RB1: variants seen among roughly 807,000 people sequenced by gnomAD.
RB1 encodes RB transcriptional corepressor 1.
In RB1, 18 loss-of-function variants were observed where a neutral mutation model predicts 135.4. The ratio of observed to expected loss-of-function variants is 0.13; its 90% CI spans 0.09 to 0.20. The LOEUF (loss-of-function observed/expected upper bound fraction) is 0.20, where lower values mean the gene tolerates loss of function less well. RB1 is among the 10% of genes least tolerant of loss of function. RB1 has a pLI of 1.00. For missense variants in RB1, 868 were observed against 1,110.0 expected (o/e 0.78, Z 3.10); for synonymous variants, 365 against 373.2 (o/e 0.98, Z 0.25).
chr13:48,369,204 T>C (rs1217362376), intron 11 of RB1, among the ~76,000 whole-genome samples: 1 of 152,198 alleles, frequency 6.6e-6, no homozygotes, highest in African/African-American at 2.4e-5. Flanking sequence ...ATTAGAACTA[T>C]TTTTTATGTC....
At chr13:48,317,301 C>T (rs920709937) in intron 2 of RB1, 8 of 395,942 alleles carry the variant, frequency 2.0e-5, no homozygotes, top group Non-Finnish European at 3.6e-5. Flanking sequence ...TGGGCAGGCC[C>T]CAGGCGGGGC....
rs563104113 is a variant in RB1 at position 48,442,383 on chromosome 13, G to A, written c.1696-10610G>A. ...GCCCGGCTAATTTTTTGTATTTTTT[G>A]TAGAGATGGGGTTTCACCGTGTTAG... On this transcript the variant is annotated intron_variant, in intron 17 of 26. Coordinates refer to ENST00000267163, the MANE Select transcript of RB1 (RefSeq NM_000321.3). Among the ~76,000 whole-genome samples, 91 of 152,052 alleles carry A rather than the reference G, an allele frequency of 6.0e-4. No individual in the cohort carries two copies. In the Middle Eastern group the frequency reaches 0.014, roughly 23 times the overall value.
intron 17 of RB1, among the ~76,000 whole-genome samples, chr13:48,394,275 C>G (rs1398045868): frequency 6.6e-6 from 1 of 152,192 alleles, no homozygotes; most frequent in Non-Finnish European, 1.5e-5. Flanking sequence ...GAGATTCCCT[C>G]GGGTGCCTAC....
At chr13:48,306,581 T>A (rs59550884) in intron 1 of RB1, among the ~76,000 whole-genome samples, 7,833 of 152,240 alleles carry the variant, frequency 0.051, 630 homozygotes, top group African/African-American at 0.17. Flanking sequence ...CAGACATCTG[T>A]AAATGTCTAC....
chr13:48,414,217 C>T (rs1233798198), intron 17 of RB1, among the ~76,000 whole-genome samples: 6 of 151,804 alleles, frequency 4.0e-5, no homozygotes, highest in Admixed American at 1.3e-4. Context: ...GGCAATAGTG[C>T]GTGCCTGTAG....
At chr13:48,338,785 G>GT in intron 2 of RB1, among the ~76,000 whole-genome samples, 1 of 152,308 alleles carries the variant, frequency 6.6e-6, no homozygotes, top group African/African-American at 2.4e-5. Flanking sequence ...CTTTTCTGCT[G>GT]TTTTTTCCCC....
At chr13:48,367,743 A>T (rs1952718279) in intron 10 of RB1, 140 bp downstream of exon 10, 1 of 969,446 alleles carries the variant, frequency 1.0e-6, no homozygotes, top group Admixed American at 3.0e-5. Flanking sequence ...TACAAAGAAA[A>T]GTTTAACAGT....
In RB1 at chr13:48,318,226, T is replaced by TG. The variant is rs995961573; in HGVS notation, c.264+10822dup. The TG allele has an allele frequency of 9.2e-6, 6 of 651,478 alleles. No homozygotes were observed. The African/African-American group carries it at 9.2e-5, about 10-fold the overall frequency. The allele number at this position is 651,478 out of a possible 1,614,324, so 40.4% of individuals were successfully genotyped here. A position where few individuals can be genotyped will look rare whatever the true frequency, so the allele number is the denominator to read the frequency against. ...CCCTCGCCGCTGTCTCTCTTGGACTTGGAGAGTCAGCTATTAAGCACCGGC... is the reference window on the plus strand; with the variant it reads ...CCCTCGCCGCTGTCTCTCTTGGACTTGGGAGAGTCAGCTATTAAGCACCGGC... On this transcript the variant is annotated intron_variant, in intron 2 of 26. Transcript: ENST00000267163.
chr13:48,366,409 A>T (rs1333965749), intron 9 of RB1, among the ~76,000 whole-genome samples: 1 of 152,214 alleles, frequency 6.6e-6, no homozygotes, highest in East Asian at 1.9e-4. Flanking sequence ...GTTCTATCTA[A>T]TACATTTATG....
chr13:48,358,400 T>C (rs969152425), intron 6 of RB1, among the ~76,000 whole-genome samples: 1 of 152,134 alleles, frequency 6.6e-6, no homozygotes, highest in African/African-American at 2.4e-5. Context: ...CTGCACTTAA[T>C]CTGTGACTTG....
intron 17 of RB1, among the ~76,000 whole-genome samples, chr13:48,400,393 A>G (rs1009563466): frequency 6.6e-6 from 1 of 152,138 alleles, no homozygotes; most frequent in Non-Finnish European, 1.5e-5. Context: ...AACTCAGGCT[A>G]TCTGGTTCCA....
rs2138354806 is a variant in RB1, at chr13:48,473,415, A to G, written c.2520+25A>G. 6 of 1,520,924 alleles carry G rather than the reference A, an allele frequency of 3.9e-6. No individual in the cohort carries two copies. The Middle Eastern group carries it at 1.2e-3, about 305-fold the overall frequency. 94.2% of individuals were successfully genotyped at this position (1,520,924 alleles called of 1,614,324 possible). On this transcript the variant is annotated intron_variant, in intron 24 of 26. Coordinates refer to ENST00000267163, the MANE Select transcript of RB1 (RefSeq NM_000321.3). ...GGTGAGTATTTTCTTTCTATGAAAT[A>G]TAATAGTATGCATTGTAAGTATAAA...
intron 21 of RB1, 110 bp from the exon 22 acceptor site, chr13:48,464,888 G>A (rs1346639862): frequency 1.3e-5 from 16 of 1,230,824 alleles, no homozygotes; most frequent in African/African-American, 3.2e-5. Context: ...CAGTCAAAAA[G>A]TATTATAAAC....
rs1952831579 is a variant in RB1 at position 48,376,955 on chromosome 13, G to A, written c.1253G>A (p.Arg418Lys). The A allele has an allele frequency of 1.2e-6, 2 of 1,613,814 alleles. No individual in the cohort carries two copies. Among genetic ancestry groups the A allele is most frequent in the Non-Finnish European group, 1.7e-6 (2 of 1,179,872 alleles). The change falls in exon 13 of 27, where the codon AGA becomes AAA. Residue 418 changes from arginine (R) to lysine (K), a missense_variant. By Grantham distance (26) the Arg-to-Lys change is conservative. Coordinates refer to ENST00000267163, the MANE Select transcript of RB1 (RefSeq NM_000321.3). Reference sequence around the variant, plus strand: ...AATCCAAAAGAAAGTATACTGAAAAGAGTGAAGGATATAGGATACATCTTT... The same window carrying A: ...AATCCAAAAGAAAGTATACTGAAAAAAGTGAAGGATATAGGATACATCTTT... ...TVNPKESILK[R>K]VKDIGYIFKE...
rs1593550511 is a variant in RB1 at position 48,480,953 on chromosome 13, T to G, written c.*882T>G. 4.4e-6 allele frequency: 1 copy of G among 228,964 alleles called. No homozygotes were observed. The highest frequency in any genetic ancestry group is 8.7e-6 in the Non-Finnish European group (1 of 115,176). 14.2% of individuals were successfully genotyped at this position (228,964 alleles called of 1,614,324 possible). On this transcript the variant is annotated 3_prime_UTR_variant, in exon 27 of 27. Coordinates refer to ENST00000267163, the MANE Select transcript of RB1 (RefSeq NM_000321.3). ...GGACCCTAACACAGTATATCCCAAG[T>G]GCACTTTCTAATGTTTCTGGGTCCT...
At chr13:48,454,029 C>A (rs1949345295) in intron 18 of RB1, among the ~76,000 whole-genome samples, 1 of 152,200 alleles carries the variant, frequency 6.6e-6, no homozygotes, top group Admixed American at 6.5e-5. Context: ...CAAAAGCAAT[C>A]ACTAACTGTG....
chr13:48,356,502 TAA>T (rs1952593022), intron 6 of RB1, among the ~76,000 whole-genome samples: 1 of 152,140 alleles, frequency 6.6e-6, no homozygotes, highest in African/African-American at 2.4e-5. Context: ...AATCTTTATT[TAA>T]GTTTGTGTTT....
In RB1 at chr13:48,356,448, T is replaced by C. The variant is rs77089731; in HGVS notation, c.608-3569T>C. On this transcript the variant is annotated intron_variant, in intron 6 of 26. Transcript: ENST00000267163. ...TTAAGTGATATTATTTCTAAAATTA[T>C]TTCTCTAAGATTATGAAAAAATGTG... Among the ~76,000 whole-genome samples, 4,606 of 152,110 alleles carry C rather than the reference T, an allele frequency of 0.03. 247 individuals are homozygous for C. The highest frequency in any genetic ancestry group is 0.11 in the African/African-American group (4,394 of 41,514).
At position 48,319,712 on chromosome 13, in the gene RB1, C is replaced by A; in HGVS notation, c.264+12306C>A. 6 of 254,314 alleles carry A rather than the reference C, an allele frequency of 2.4e-5. No individual in the cohort carries two copies. In the South Asian group the frequency reaches 3.6e-4, roughly 15 times the overall value. The allele number at this position is 254,314 out of a possible 1,614,324, so 15.8% of individuals were successfully genotyped here. A position where few individuals can be genotyped will look rare whatever the true frequency, so the allele number is the denominator to read the frequency against. On this transcript the variant is annotated intron_variant, in intron 2 of 26. Coordinates refer to ENST00000267163, the MANE Select transcript of RB1 (RefSeq NM_000321.3). This position sits in a 1 kb window ranked among gnomAD's most constrained non-coding sequence, Gnocchi z 5.0. ...CGTGGGATTTCAAGAGTGACTTGGT[C>A]GAATTTTCGTTTGGGTCTGGTTTTT...
Sources: gnomAD v4.1 joint callset for allele counts (sites outside exome capture counted in the v4.1 genomes callset) on GRCh38, gnomAD v4.1.1 for gene constraint, Gnocchi (gnomAD v3.1) non-coding constraint, MANE v1.5 for transcripts, NCBI Gene and HGNC (gene_info 2026-07-23, HGNC 2026-07-21) for gene names.